ABHD18: variants seen among roughly 807,000 people sequenced by gnomAD.
ABHD18 encodes abhydrolase domain containing 18, also known as cardiolipin-specific deacylase, mitochondrial.
A neutral mutation model predicts 65.9 loss-of-function variants in ABHD18; 55 were observed. The observed-to-expected ratio is 0.84, with a 90% confidence interval of 0.67 to 1.05. The LOEUF (loss-of-function observed/expected upper bound fraction) is 1.05, where lower values mean the gene tolerates loss of function less well. ABHD18 is among the 50% of genes least tolerant of loss of function. ABHD18 has a pLI of 0.00. For missense variants in ABHD18, 533 were observed against 558.5 expected (o/e 0.95, Z 0.46); for synonymous variants, 181 against 180.2 (o/e 1.00, Z -0.04).
chr4:128,030,833 T>G lies in ABHD18; in HGVS notation c.1343+161T>G, dbSNP rs1007123581. 6 of 1,370,418 alleles carry G rather than the reference T, an allele frequency of 4.4e-6. No homozygotes were observed. The African/African-American group carries it at 9.1e-5, about 21-fold the overall frequency. 84.9% of individuals were successfully genotyped at this position (1,370,418 alleles called of 1,614,324 possible). A position where few individuals can be genotyped will look rare whatever the true frequency, so the allele number is the denominator to read the frequency against. The stretch of plus-strand genomic sequence containing the variant: ...TCTCACAGAGTTACTTTTCCCTCTT[T>G]CCTAGAATTTGATCTTCTTATTTTC... On this transcript the variant is annotated intron_variant, in intron 12 of 12. Coordinates refer to ENST00000645843, the MANE Select transcript of ABHD18 (RefSeq NM_001358451.3).
In ABHD18 at chr4:128,035,930, G is replaced by T; in HGVS notation, c.*117G>T. Reference sequence around the variant, plus strand: ...TAATATATCTAATCGCTATCAATTTGGTCTGGAATTCATTGTTACACATCA... The same window carrying T: ...TAATATATCTAATCGCTATCAATTTTGTCTGGAATTCATTGTTACACATCA... On this transcript the variant is annotated 3_prime_UTR_variant, in exon 13 of 13. Coordinates refer to ENST00000645843, the MANE Select transcript of ABHD18 (RefSeq NM_001358451.3). 2 of 501,250 alleles carry T rather than the reference G, an allele frequency of 4.0e-6. No individual in the cohort carries two copies. Among genetic ancestry groups the T allele is most frequent in the Non-Finnish European group, 6.9e-6 (2 of 291,756 alleles). 31.1% of individuals were successfully genotyped at this position (501,250 alleles called of 1,614,324 possible).
intron 4 of ABHD18, among the ~76,000 whole-genome samples, chr4:127,998,500 A>G (rs985337937): frequency 9.3e-5 from 14 of 150,786 alleles, no homozygotes; most frequent in African/African-American, 3.4e-4. Context: ...CGGCCTCCCA[A>G]AGTGCTGGGA....
chr4:128,030,405 T>C, intron 11 of ABHD18, 105 bp from the exon 12 acceptor site: 1 of 765,052 alleles, frequency 1.3e-6, no homozygotes, highest in Non-Finnish European at 1.9e-6. Context: ...GATTTTTAAT[T>C]TAATCAAAAA....
chr4:128,032,991 C>A (rs987985122), intron 12 of ABHD18, among the ~76,000 whole-genome samples: 1 of 152,002 alleles, frequency 6.6e-6, no homozygotes, highest in South Asian at 2.1e-4. Context: ...TGGTGGCTCA[C>A]GCCTGTAATC....
chr4:128,010,976 G>T (rs1410114685), intron 6 of ABHD18, among the ~76,000 whole-genome samples: 1 of 150,482 alleles, frequency 6.6e-6, no homozygotes, highest in Non-Finnish European at 1.5e-5. Flanking sequence ...TGTAGATAAA[G>T]TAGTTGTTCT....
intron 10 of ABHD18, among the ~76,000 whole-genome samples, chr4:128,026,024 C>T (rs1285935435): frequency 2.0e-5 from 3 of 151,190 alleles, no homozygotes; most frequent in Non-Finnish European, 4.4e-5. Context: ...CATGGTGGCT[C>T]ACGCCTGTAA....
intron 4 of ABHD18, among the ~76,000 whole-genome samples, chr4:128,008,486 G>T (rs1754012269): frequency 6.6e-6 from 1 of 151,682 alleles, no homozygotes; most frequent in South Asian, 2.1e-4. Context: ...TGTTGATTAG[G>T]CTGGTCTCGA....
At chr4:128,009,076 C>CT in intron 5 of ABHD18, 31 bp from the exon 6 acceptor site, 1 of 1,585,790 alleles carries the variant, frequency 6.3e-7, no homozygotes, top group Non-Finnish European at 8.6e-7. Context: ...CTACTATATT[C>CT]TTTTGAGTAT....
chr4:128,028,467 A>G lies in ABHD18; in HGVS notation c.802-8A>G. 1.3e-6 allele frequency: 2 copies of G among 1,486,848 alleles called. No individual in the cohort carries two copies. The highest frequency in any genetic ancestry group is 1.8e-6 in the Non-Finnish European group (2 of 1,121,936). 92.1% of individuals were successfully genotyped at this position (1,486,848 alleles called of 1,614,324 possible). Reference sequence around the variant, plus strand: ...TAAATAATGTTTTCTTTCCTTTCATATGTTCAGACAGATTCTTTCAAAATG... The same window carrying G: ...TAAATAATGTTTTCTTTCCTTTCATGTGTTCAGACAGATTCTTTCAAAATG... On this transcript the variant is annotated splice_polypyrimidine_tract_variant and splice_region_variant and intron_variant, in intron 10 of 12. Coordinates refer to ENST00000645843, the MANE Select transcript of ABHD18 (RefSeq NM_001358451.3).
At chr4:127,997,759 T>G (rs192518975) in intron 4 of ABHD18, among the ~76,000 whole-genome samples, 98 of 152,336 alleles carry the variant, frequency 6.4e-4, no homozygotes, top group Middle Eastern at 6.8e-3. Context: ...CATTTCTTAC[T>G]AGCTCTCATC....
intron 6 of ABHD18, among the ~76,000 whole-genome samples, chr4:128,009,910 G>A (rs911799484): frequency 2.0e-5 from 3 of 152,110 alleles, no homozygotes; most frequent in Non-Finnish European, 4.4e-5. Context: ...ATTAGAAATA[G>A]CTAAATGTCT....
chr4:128,025,297 C>T (rs1757183708), intron 10 of ABHD18, among the ~76,000 whole-genome samples: 1 of 152,068 alleles, frequency 6.6e-6, no homozygotes, highest in South Asian at 2.1e-4. Flanking sequence ...ACCACCACAC[C>T]TGGCTAATTT....
intron 7 of ABHD18, among the ~76,000 whole-genome samples, chr4:128,017,087 T>G (rs953335860): frequency 6.6e-6 from 1 of 152,086 alleles, no homozygotes; most frequent in Non-Finnish European, 1.5e-5. Flanking sequence ...CCTGCTAATT[T>G]TTGTATTTTT....
chr4:128,007,947 A>G (rs529280129), intron 4 of ABHD18, among the ~76,000 whole-genome samples: 1 of 152,158 alleles, frequency 6.6e-6, no homozygotes, highest in South Asian at 2.1e-4. Flanking sequence ...GCAAAGAGAA[A>G]AAGTCGGAGC....
chr4:128,003,549 G>T (rs1753053644), intron 4 of ABHD18, among the ~76,000 whole-genome samples: 1 of 151,722 alleles, frequency 6.6e-6, no homozygotes, highest in Non-Finnish European at 1.5e-5. Flanking sequence ...AGAATAAAGA[G>T]ATAACAGATG....
intron 4 of ABHD18, among the ~76,000 whole-genome samples, chr4:127,995,726 A>G (rs1195263805): frequency 1.3e-5 from 2 of 152,202 alleles, no homozygotes; most frequent in African/African-American, 4.8e-5. Flanking sequence ...GGAAAATAAT[A>G]CTTTAATATT....
rs1193627047 is a variant in ABHD18 at position 128,020,147 on chromosome 4, C to A, written c.677C>A (p.Thr226Lys). Residue 226 changes from threonine (T) to lysine (K), a missense_variant, in exon 9 of 13, where the codon ACA (threonine) becomes AAA (lysine). Transcript: ENST00000645843. ...TTGATTCCATGCCTGTCTTGGTCCA[C>A]AGCATCTGGGGTCTTCACTACGGTA... Reference protein sequence around the residue: ...MPLIPCLSWSTASGVFTTGVL... With the variant: ...MPLIPCLSWSKASGVFTTGVL... The A allele has an allele frequency of 6.2e-7, 1 of 1,613,180 alleles. No homozygotes were observed. The highest frequency in any genetic ancestry group is 2.2e-5 in the East Asian group (1 of 44,880).
intron 4 of ABHD18, among the ~76,000 whole-genome samples, chr4:128,003,300 G>A (rs1314541917): frequency 6.6e-6 from 1 of 151,698 alleles, no homozygotes; most frequent in Non-Finnish European, 1.5e-5. Context: ...CCCAGGAGGT[G>A]GAGGTTGCAG....
chr4:127,968,187 G>A (rs112623507), intron 1 of ABHD18, among the ~76,000 whole-genome samples: 1 of 152,230 alleles, frequency 6.6e-6, no homozygotes, highest in African/African-American at 2.4e-5. Flanking sequence ...TACAGCCTGG[G>A]CGACAGAGCG....
Sources: allele counts gnomAD v4.1 joint callset (sites outside exome capture counted in the v4.1 genomes callset), GRCh38; gene constraint gnomAD v4.1.1; transcripts MANE v1.5; gene names NCBI Gene and HGNC (gene_info 2026-07-23, HGNC 2026-07-21).